ATAD3A: variants seen among roughly 807,000 people sequenced by gnomAD.
ATAD3A encodes ATPase family AAA domain containing 3A, also known as ATPase family AAA domain-containing protein 3A.
In ATAD3A, 46 loss-of-function variants were observed where a neutral mutation model predicts 73.8. That is an observed-to-expected ratio of 0.62 (90% CI 0.49 to 0.80). ATAD3A has a LOEUF of 0.80. Among genes scored for constraint, ATAD3A ranks in the 30% least tolerant of loss-of-function variants. ATAD3A has a pLI of 0.00. For missense variants in ATAD3A, 705 were observed against 838.0 expected (o/e 0.84, Z 1.96); for synonymous variants, 319 against 350.0 (o/e 0.91, Z 0.99).
At chr1:1,514,623 C>T (rs1183536251) in intron 1 of ATAD3A, among the ~76,000 whole-genome samples, 5 of 152,234 alleles carry the variant, frequency 3.3e-5, no homozygotes, top group South Asian at 2.1e-4. Flanking sequence ...ACCAAAGCGT[C>T]GCTGCCTCTG....
At position 1,523,227 on chromosome 1, in the gene ATAD3A, C is replaced by A. The variant is rs1641667785; in HGVS notation, c.907-284C>A. 6.6e-6 allele frequency among the ~76,000 whole-genome samples: 1 copy of A among 152,068 alleles called. No individual in the cohort carries two copies. The highest frequency in any genetic ancestry group is 6.6e-5 in the Admixed American group (1 of 15,260). On this transcript the variant is annotated intron_variant, in intron 8 of 15. Transcript: ENST00000378756. This position sits in a 1 kb window ranked among gnomAD's most constrained non-coding sequence, Gnocchi z 5.1. ...ACAGGCCACGGCGTCTGGTGGCCTCCCTGGGGAGCCGCGCCGCTCGCCGCC... is the reference window on the plus strand; with the variant it reads ...ACAGGCCACGGCGTCTGGTGGCCTCACTGGGGAGCCGCGCCGCTCGCCGCC...
chr1:1,518,040 G>C (rs1557459548), intron 4 of ATAD3A, among the ~76,000 whole-genome samples: 2 of 151,252 alleles, frequency 1.3e-5, no homozygotes, highest in Non-Finnish European at 3.0e-5. Flanking sequence ...AGCACACACA[G>C]ACAGGTGCAC....
intron 7 of ATAD3A, among the ~76,000 whole-genome samples, chr1:1,521,987 C>T (rs1275823468): frequency 6.6e-6 from 1 of 152,184 alleles, no homozygotes; most frequent in African/African-American, 2.4e-5. Flanking sequence ...TCTTGGCCTC[C>T]CAAAGTGCTG....
At position 1,524,189 on chromosome 1, in the gene ATAD3A, G is replaced by A. The variant is rs1376111418; in HGVS notation, c.1090-84G>A. ...CTTCCAGGCAGGGACGCTGGGCAGAGCCTCCACACTCCGGGTGGAGTGTGC... is the reference window on the plus strand; with the variant it reads ...CTTCCAGGCAGGGACGCTGGGCAGAACCTCCACACTCCGGGTGGAGTGTGC... On this transcript the variant is annotated intron_variant, in intron 10 of 15. Transcript: ENST00000378756. 18 of 1,609,374 alleles carry A rather than the reference G, an allele frequency of 1.1e-5. 1 individual carries two copies. The highest frequency in any genetic ancestry group is 1.4e-5 in the Non-Finnish European group (17 of 1,178,200).
chr1:1,520,633 A>T lies in ATAD3A; in HGVS notation c.750+16A>T. ...GACAGCCACGGTAAACATACTCATAAAACAGGGCTGGCAGGTGGCTGAGGG... is the reference window on the plus strand; with the variant it reads ...GACAGCCACGGTAAACATACTCATATAACAGGGCTGGCAGGTGGCTGAGGG... On this transcript the variant is annotated intron_variant, in intron 7 of 15. Transcript: ENST00000378756. This position sits in a 1 kb window ranked among gnomAD's most constrained non-coding sequence, Gnocchi z 4.0. The T allele has an allele frequency of 6.2e-7, 1 of 1,613,216 alleles. No individual in the cohort carries two copies. The highest frequency in any genetic ancestry group is 8.5e-7 in the Non-Finnish European group (1 of 1,179,850).
intron 13 of ATAD3A, chr1:1,527,222 G>A (rs1265642175): frequency 1.3e-5 from 17 of 1,301,200 alleles, no homozygotes; most frequent in Non-Finnish European, 1.6e-5. Flanking sequence ...GACTCCTCAG[G>A]CACGTTGGGC....
intron 1 of ATAD3A, among the ~76,000 whole-genome samples, chr1:1,514,180 C>T (rs998444528): frequency 6.6e-6 from 1 of 152,158 alleles, no homozygotes. Context: ...CTGCTCTTTC[C>T]CCTCTCCTCC....
At chr1:1,517,003 C>A in intron 2 of ATAD3A, 1 of 1,343,102 alleles carries the variant, frequency 7.4e-7, no homozygotes, top group Non-Finnish European at 1.0e-6. Flanking sequence ...AGAGCCGTCG[C>A]ACCCGGTCCA....
Position 1,517,007 on chromosome 1 carries a change from CG to C in ATAD3A, c.283-302del, listed in dbSNP as rs905344090. 12 of 1,359,556 alleles carry C rather than the reference CG, an allele frequency of 8.8e-6. No homozygotes were observed. The African/African-American group carries it at 1.6e-4, about 18-fold the overall frequency. 84.2% of individuals were successfully genotyped at this position (1,359,556 alleles called of 1,614,324 possible). A position where few individuals can be genotyped will look rare whatever the true frequency, so the allele number is the denominator to read the frequency against. On this transcript the variant is annotated intron_variant, in intron 2 of 15. Coordinates refer to ENST00000378756, the MANE Select transcript of ATAD3A (RefSeq NM_001170535.3). The stretch of plus-strand genomic sequence containing the variant: ...GATTATAAGCGAGAGCCGTCGCACC[CG>C]GTCCACTCAGCAGGATTCCTAAAAT...
chr1:1,516,060 T>A lies in ATAD3A; in HGVS notation c.254T>A (p.Leu85Gln). 6.2e-7 allele frequency: 1 copy of A among 1,613,840 alleles called. No homozygotes were observed. Among genetic ancestry groups the A allele is most frequent in the African/African-American group, 1.3e-5 (1 of 75,038 alleles). ...LNLAQMQEQT[L>Q]QLEQQSKLKE... ...CTGGCACAGATGCAGGAGCAGACGC[T>A]GCAGTTGGAGCAACAGTCCAAGCTC... The change falls in exon 2 of 16, where the codon CTG (leucine) becomes CAG (glutamine). Residue 85 changes from leucine to glutamine, a missense_variant. Around this residue, in one of 5 missense-constraint regions of ATAD3A, gnomAD observed 125 missense variants for 170.6 expected, o/e 0.73. Coordinates refer to ENST00000378756, the MANE Select transcript of ATAD3A (RefSeq NM_001170535.3).
intron 1 of ATAD3A, among the ~76,000 whole-genome samples, chr1:1,513,902 G>A (rs1216723257): frequency 3.3e-5 from 5 of 152,046 alleles, no homozygotes. Flanking sequence ...TGTCCCTTGA[G>A]GCTATAGCCC....
intron 1 of ATAD3A, among the ~76,000 whole-genome samples, chr1:1,515,706 C>T (rs1473871286): frequency 6.6e-6 from 1 of 152,218 alleles, no homozygotes; most frequent in Non-Finnish European, 1.5e-5. Flanking sequence ...GACACTTTAG[C>T]CATCGCCTGA....
chr1:1,516,866 C>G (rs973266593), intron 2 of ATAD3A, among the ~76,000 whole-genome samples: 3 of 152,148 alleles, frequency 2.0e-5, no homozygotes, highest in African/African-American at 7.2e-5. Flanking sequence ...AGCCCGCCAC[C>G]ACATCTGGCT....
At chr1:1,524,994 T>G (rs114876234) in intron 11 of ATAD3A, among the ~76,000 whole-genome samples, 292 of 152,298 alleles carry the variant, frequency 1.9e-3, no homozygotes, top group African/African-American at 6.7e-3. Flanking sequence ...GTGAAGCCTG[T>G]GGGGCGGAGT....
Position 1,520,071 on chromosome 1 carries a change from G to C in ATAD3A, c.515-70G>C. Reference sequence around the variant, plus strand: ...GTGGGCCGGTCCGTGGCGTGGGCCGGTCCACAGTGTGGGTGGAGGTGGACG... The same window carrying C: ...GTGGGCCGGTCCGTGGCGTGGGCCGCTCCACAGTGTGGGTGGAGGTGGACG... On this transcript the variant is annotated intron_variant, in intron 5 of 15. Transcript: ENST00000378756. This position sits in a 1 kb window ranked among gnomAD's most constrained non-coding sequence, Gnocchi z 4.0. 1 of 1,558,390 alleles carries C rather than the reference G, an allele frequency of 6.4e-7. No homozygotes were observed. Among genetic ancestry groups the C allele is most frequent in the Non-Finnish European group, 8.7e-7 (1 of 1,152,098 alleles).
At position 1,512,376 on chromosome 1, in the gene ATAD3A, G is replaced by T. The variant is rs1240736; in HGVS notation, c.108G>T (p.Gly36=). ...QPGAEGGGDR[G]LGDRPAPKDK... is the part of the protein sequence containing the mutation. ...GGGCCGAGGGCGGCGGGGACCGCGG[G>T]TTGGGAGACCGGCCGGCGCCCAAGG... is the stretch of plus-strand genomic sequence containing the variant. Residue 36 remains glycine (G), a synonymous_variant, in exon 1 of 16, where the codon GGG becomes GGT. Transcript: ENST00000378756. 36 of 1,239,676 alleles carry T rather than the reference G, an allele frequency of 2.9e-5. No individual in the cohort carries two copies. The highest frequency in any genetic ancestry group is 3.1e-4 in the Middle Eastern group (1 of 3,192). 76.8% of individuals were successfully genotyped at this position (1,239,676 alleles called of 1,614,324 possible).
At chr1:1,517,245 CAGG>C (rs1250211628) in intron 2 of ATAD3A, 63 bp from the exon 3 acceptor site, 2 of 1,547,024 alleles carry the variant, frequency 1.3e-6, no homozygotes, top group Non-Finnish European at 1.7e-6. Context: ...CGTGCAGACA[CAGG>C]AGCGGCTGTC....
chr1:1,512,755 G>C, intron 1 of ATAD3A: 2 of 1,107,824 alleles, frequency 1.8e-6, no homozygotes, highest in Non-Finnish European at 2.2e-6. Flanking sequence ...GGCTGGCCGT[G>C]GTCTTCAGTT....
At chr1:1,527,592 C>T in intron 13 of ATAD3A, 103 bp from the exon 14 acceptor site, 2 of 1,421,160 alleles carry the variant, frequency 1.4e-6, no homozygotes, top group East Asian at 2.4e-5. Flanking sequence ...CTCGTGTTTC[C>T]CGCCACTTTA....
Sources: gnomAD v4.1 joint callset for allele counts (sites outside exome capture counted in the v4.1 genomes callset) on GRCh38, gnomAD v4.1.1 for gene constraint, gnomAD v4.1.1 regional missense constraint, Gnocchi (gnomAD v3.1) non-coding constraint, MANE v1.5 for transcripts, NCBI Gene and HGNC (gene_info 2026-07-23, HGNC 2026-07-21) for gene names.